The following CTBP2 variants were observed in gnomAD, a reference collection of about 807,000 sequenced individuals.
CTBP2 encodes the protein C-terminal binding protein 2.
In CTBP2, 30 loss-of-function variants were observed where a neutral mutation model predicts 80.3. That is an observed-to-expected ratio of 0.37 (90% confidence interval 0.28 to 0.51). The LOEUF (loss-of-function observed/expected upper bound fraction) is 0.51. Ranked by LOEUF, CTBP2 falls within the 20% of genes least tolerant of loss-of-function variation. The pLI is 0.93. For missense variants in CTBP2, 1,212 were observed against 1,375.3 expected, an observed-to-expected ratio of 0.88 and a Z score of 1.88; for synonymous variants, 594 against 587.4, an observed-to-expected ratio of 1.01 and a Z score of -0.16.
At position 125,035,182 on chromosome 10, in the gene CTBP2, A is replaced by C. The variant is rs1169802276; in HGVS notation, c.58+3815T>G. Reference sequence around the variant, plus strand: ...CCTGCGACAAAGGTGATGCAGAATGAGATTCCCAGACTTTCTAACTATCTA... The same window carrying C: ...CCTGCGACAAAGGTGATGCAGAATGCGATTCCCAGACTTTCTAACTATCTA... On this transcript the variant is annotated intron_variant, in intron 3 of 10. Transcript: ENST00000337195. Among the ~76,000 whole-genome samples, 3 of 152,316 alleles carry C rather than the reference A, an allele frequency of 2.0e-5. No individual in the cohort carries two copies. The East Asian group carries it at 5.8e-4, about 29-fold the overall frequency.
intron 3 of CTBP2, among the ~76,000 whole-genome samples, chr10:125,036,668 G>GGTGTGT (rs59284647): frequency 8.7e-4 from 104 of 119,338 alleles, no homozygotes; most frequent in East Asian, 3.5e-3. Flanking sequence ...AGCTAGAGGG[G>GGTGTGT]GTGTGTGTGT....
intron 2 of CTBP2, among the ~76,000 whole-genome samples, chr10:125,051,532 C>A (rs1346708841): frequency 4.6e-5 from 7 of 151,940 alleles, no homozygotes; most frequent in Non-Finnish European, 1.0e-4. Context: ...CCCAGCTACT[C>A]AGGAGGCTGA....
intron 1 of CTBP2, among the ~76,000 whole-genome samples, chr10:125,017,611 T>G (rs1956621831): frequency 2.0e-5 from 3 of 152,226 alleles, no homozygotes; most frequent in African/African-American, 7.2e-5. Context: ...CCAAAGAACA[T>G]TTTACATTCC....
intron 3 of CTBP2, 96 bp downstream of exon 5, chr10:125,002,864 C>G: frequency 6.7e-7 from 1 of 1,483,748 alleles, no homozygotes; most frequent in Non-Finnish European, 9.1e-7. Context: ...AGCGGCTGCT[C>G]CGTGGTCCCA....
chr10:124,995,188 G>C (rs1589926772), intron 4 of CTBP2, among the ~76,000 whole-genome samples: 1 of 152,226 alleles, frequency 6.6e-6, no homozygotes, highest in Non-Finnish European at 1.5e-5. Context: ...GCTCCCTGCA[G>C]GCTGGCCCGA....
chr10:125,087,389 A>C (rs1221263304), intron 2 of CTBP2, among the ~76,000 whole-genome samples: 2 of 152,060 alleles, frequency 1.3e-5, no homozygotes, highest in Non-Finnish European at 2.9e-5. Context: ...ATTACTTCTT[A>C]AGTACAGAAG....
At chr10:125,088,937 C>T (rs1848386157) in intron 2 of CTBP2, among the ~76,000 whole-genome samples, 2 of 152,284 alleles carry the variant, frequency 1.3e-5, no homozygotes, top group East Asian at 3.9e-4. Context: ...GAGATAAATA[C>T]CAAACAGAAC....
intron 1 of CTBP2, among the ~76,000 whole-genome samples, chr10:125,152,855 G>A (rs1336789120): frequency 2.0e-5 from 3 of 152,226 alleles, no homozygotes; most frequent in Non-Finnish European, 2.9e-5. Flanking sequence ...AGGGCAGATA[G>A]AGCAATCCAG....
Position 125,094,732 on chromosome 10 carries a change from T to C in CTBP2, c.-102+16258A>G, listed in dbSNP as rs80024618. On this transcript the variant is annotated intron_variant, in intron 2 of 10. Transcript: ENST00000337195. Reference sequence around the variant, plus strand: ...TGATGCACAGGACAGCCCCCCACAATGAAGAACCACCAGACCCAAAATGTC... The same window carrying C: ...TGATGCACAGGACAGCCCCCCACAACGAAGAACCACCAGACCCAAAATGTC... Among the ~76,000 whole-genome samples, 954 of 152,204 alleles carry C rather than the reference T, an allele frequency of 6.3e-3. 12 individuals are homozygous for C. Among genetic ancestry groups the C allele is most frequent in the African/African-American group, 0.022 (897 of 41,520 alleles).
At chr10:125,036,715 G>A (rs1958939425) in intron 3 of CTBP2, among the ~76,000 whole-genome samples, 1 of 78,884 alleles carries the variant, frequency 1.3e-5, no homozygotes, top group Admixed American at 1.1e-4. Context: ...GTGTGTGTGT[G>A]TTTGTGTGTG....
At chr10:125,005,872 G>GT (rs1955177095) in intron 1 of CTBP2, 1 of 1,553,948 alleles carries the variant, frequency 6.4e-7, no homozygotes, top group Admixed American at 1.9e-5. Context: ...GGTGCTGGCA[G>GT]GATGGTTATC....
chr10:125,032,113 A>G (rs926728697), upstream of CTBP2, among the ~76,000 whole-genome samples: 1 of 151,636 alleles, frequency 6.6e-6, no homozygotes, highest in Non-Finnish European at 1.5e-5. Flanking sequence ...TGGTGGAGCC[A>G]AAGTGTGCAA....
rs949324636 is a variant in CTBP2, at chr10:124,989,727, T to C, written c.2778-29A>G. The C allele has an allele frequency of 2.6e-6, 4 of 1,532,774 alleles. No individual in the cohort carries two copies. The African/African-American group carries it at 5.5e-5, about 21-fold the overall frequency. The allele number at this position is 1,532,774 out of a possible 1,614,324, so 94.9% of individuals were successfully genotyped here. A position where few individuals can be genotyped will look rare whatever the true frequency, so the allele number is the denominator to read the frequency against. On this transcript the variant is annotated intron_variant, in intron 8 of 8. Coordinates refer to ENST00000309035, the MANE Select transcript of CTBP2 (RefSeq NM_022802.3). ...AGGAACACACAGAAATAGGGCCTTG[T>C]AAGTTCAGGGCAGAGTTGCCAAGCT...
Position 125,044,331 on chromosome 10 carries a change from C to A in CTBP2, c.-101-5176G>T, listed in dbSNP as rs546192456. Among the ~76,000 whole-genome samples the A allele has an allele frequency of 1.6e-4, 25 of 152,364 alleles. 1 individual carries two copies. In the South Asian group the frequency reaches 4.6e-3, roughly 28 times the overall value. ...CTTGCACACATAGCCGAGGATCCTG[C>A]TGGTGTGGTGCTGGCGGCACATCTG... On this transcript the variant is annotated intron_variant, in intron 2 of 10. Coordinates refer to the CTBP2 transcript ENST00000337195.
At chr10:125,110,277 A>G (rs1590840108) in intron 2 of CTBP2, among the ~76,000 whole-genome samples, 1 of 152,244 alleles carries the variant, frequency 6.6e-6, no homozygotes, top group South Asian at 2.1e-4. Context: ...ATTAAAATCA[A>G]TTCCATCAGA....
intron 1 of CTBP2, among the ~76,000 whole-genome samples, chr10:125,015,109 C>G (rs532250317): frequency 9.2e-5 from 14 of 152,226 alleles, no homozygotes; most frequent in East Asian, 7.7e-4. Context: ...GACCGGAGCC[C>G]GAGGGAGCTT....
At chr10:125,087,075 C>CTTTT (rs564770474) in intron 2 of CTBP2, among the ~76,000 whole-genome samples, 2 of 136,560 alleles carry the variant, frequency 1.5e-5, no homozygotes, top group Admixed American at 7.4e-5. Flanking sequence ...CAATTTCTTT[C>CTTTT]TTTTTTTTTT....
intron 2 of CTBP2, among the ~76,000 whole-genome samples, chr10:125,075,646 C>A (rs1296037806): frequency 6.6e-6 from 1 of 152,038 alleles, no homozygotes; most frequent in Non-Finnish European, 1.5e-5. Flanking sequence ...TTAGAACAGG[C>A]AAAAGACTTG....
chr10:124,995,887 T>TC (rs1953424572), intron 4 of CTBP2, among the ~76,000 whole-genome samples: 1 of 151,454 alleles, frequency 6.6e-6, no homozygotes, highest in Non-Finnish European at 1.5e-5. Flanking sequence ...CCGCCTGCCT[T>TC]CCCCCGTTCC....
Sources: allele counts gnomAD v4.1 joint callset (sites outside exome capture counted in the v4.1 genomes callset), GRCh38; gene constraint gnomAD v4.1.1; transcripts MANE v1.5; gene names NCBI Gene and HGNC (gene_info 2026-07-23, HGNC 2026-07-21).